Variants in STX18 observed in about 807,000 individuals in gnomAD.
The protein encoded by STX18 is syntaxin 18.
Under a neutral mutation model 50.1 loss-of-function variants are expected in STX18, and 40 were observed. The observed-to-expected ratio is 0.80, with a 90% CI of 0.62 to 1.04. STX18 has a LOEUF of 1.04. Among genes scored for constraint, STX18 ranks in the 50% least tolerant of loss-of-function variants. STX18 has a pLI of 0.00. For synonymous variants in STX18, 158 were observed against 151.8 expected (o/e 1.04, Z -0.30); for missense variants, 410 against 415.8 (o/e 0.99, Z 0.12).
At chr4:4,495,767 CTAATAA>C (rs1393436076) in intron 1 of STX18, among the ~76,000 whole-genome samples, 16 of 152,128 alleles carry the variant, frequency 1.1e-4, no homozygotes, top group African/African-American at 3.6e-4. Context: ...GGAAAATGAT[CTAATAA>C]AATTCATTTT....
intron 5 of STX18, among the ~76,000 whole-genome samples, chr4:4,439,483 C>T (rs62289807): frequency 0.042 from 5,709 of 134,578 alleles, 235 homozygotes; most frequent in African/African-American, 0.1. Flanking sequence ...TATATACATA[C>T]ACACACACAC....
intron 2 of STX18, 149 bp from the exon 3 acceptor site, chr4:4,459,636 T>A (rs977551817): frequency 2.5e-5 from 16 of 648,300 alleles, no homozygotes; most frequent in Non-Finnish European, 3.8e-5. Flanking sequence ...GGTGAAAAGG[T>A]GAGAGAACCA....
chr4:4,511,516 C>T (rs917853032), intron 1 of STX18, among the ~76,000 whole-genome samples: 4 of 152,170 alleles, frequency 2.6e-5, no homozygotes, highest in African/African-American at 4.8e-5. Flanking sequence ...ATAGCCTTTG[C>T]TTCAATAGTT....
chr4:4,422,428 G>GT (rs1347098325), intron 9 of STX18, among the ~76,000 whole-genome samples: 1 of 151,996 alleles, frequency 6.6e-6, no homozygotes, highest in Non-Finnish European at 1.5e-5. Flanking sequence ...TTAGCCAGGC[G>GT]TGGTGGCATG....
At chr4:4,453,277 A>C (rs935833333) in intron 5 of STX18, among the ~76,000 whole-genome samples, 4 of 152,232 alleles carry the variant, frequency 2.6e-5, no homozygotes, top group African/African-American at 9.6e-5. Context: ...TTGTGAAAGG[A>C]AGACTCAGTT....
chr4:4,434,126 G>A (rs1560161384), intron 7 of STX18, among the ~76,000 whole-genome samples: 1 of 152,196 alleles, frequency 6.6e-6, no homozygotes, highest in South Asian at 2.1e-4. Flanking sequence ...CATTCCCCAC[G>A]TCTTAGAGGA....
At chr4:4,439,706 A>C (rs1464392794) in intron 5 of STX18, among the ~76,000 whole-genome samples, 1 of 152,020 alleles carries the variant, frequency 6.6e-6, no homozygotes, top group African/African-American at 2.4e-5. Context: ...CTGAAAGCAC[A>C]AGTCCTTAAA....
chr4:4,449,572 G>A (rs1726638259), intron 5 of STX18, among the ~76,000 whole-genome samples: 1 of 152,188 alleles, frequency 6.6e-6, no homozygotes, highest in African/African-American at 2.4e-5. Flanking sequence ...TTGGATTCAA[G>A]TCATGCTTCT....
At chr4:4,449,549 T>C (rs1726635923) in intron 5 of STX18, among the ~76,000 whole-genome samples, 1 of 152,250 alleles carries the variant, frequency 6.6e-6, no homozygotes, top group Non-Finnish European at 1.5e-5. Flanking sequence ...TTGAGTTTGA[T>C]GTTTCCTCGC....
chr4:4,489,391 A>ATTTTTTT (rs34563523), intron 1 of STX18, among the ~76,000 whole-genome samples: 601 of 51,690 alleles, frequency 0.012, 135 homozygotes, highest in Non-Finnish European at 0.016. Flanking sequence ...ATGCAAAATA[A>ATTTTTTT]TTTTTTTTTT....
At chr4:4,483,408 G>C (rs999416823) in intron 1 of STX18, among the ~76,000 whole-genome samples, 3 of 151,968 alleles carry the variant, frequency 2.0e-5, no homozygotes, top group Non-Finnish European at 4.4e-5. Context: ...TACACCCATA[G>C]AAAAAAACAA....
At chr4:4,463,454 T>C (rs545174556) in intron 2 of STX18, among the ~76,000 whole-genome samples, 23 of 152,354 alleles carry the variant, frequency 1.5e-4, no homozygotes, top group Non-Finnish European at 5.9e-5. Context: ...TGCTGACCTG[T>C]AGCATTAGAG....
chr4:4,465,923 C>G (rs953749766), intron 2 of STX18, among the ~76,000 whole-genome samples: 1 of 152,170 alleles, frequency 6.6e-6, no homozygotes, highest in African/African-American at 2.4e-5. Context: ...CTGGCATAGT[C>G]TATGGCACAT....
intron 5 of STX18, among the ~76,000 whole-genome samples, chr4:4,446,743 TCTTA>T (rs1231181166): frequency 6.6e-6 from 1 of 150,984 alleles, no homozygotes; most frequent in Non-Finnish European, 1.5e-5. Context: ...TAAGACAGTT[TCTTA>T]CTAAGTCTAA....
rs149865739 is a variant in STX18 at position 4,508,836 on chromosome 4, A to T, written c.168+32961T>A. 2.2e-3 allele frequency among the ~76,000 whole-genome samples: 341 copies of T among 152,262 alleles called. 4 individuals carry two copies. Among genetic ancestry groups the T allele is most frequent in the African/African-American group, 7.7e-3 (322 of 41,552 alleles). On this transcript the variant is annotated intron_variant, in intron 1 of 10. Transcript: ENST00000306200. ...TTATAAGGTTTTCTGTTCTTGTGTCAGTTTGCTGAGGATAATGGCTTCCAA... is the reference window on the plus strand; with the variant it reads ...TTATAAGGTTTTCTGTTCTTGTGTCTGTTTGCTGAGGATAATGGCTTCCAA...
rs1183430588 is a variant in STX18 at position 4,541,922 on chromosome 4, T to C, written c.43A>G (p.Thr15Ala). The change falls in exon 1 of 11, where the codon ACC becomes GCC. Residue 15 changes from threonine to alanine, a missense_variant. Transcript: ENST00000306200. The stretch of plus-strand genomic sequence containing the variant: ...AGCGCCTTGTTCCGCGTCTTCACGG[T>C]CTTGACGCTGGCCCGGAATAGCAGC... ...ITLLFRASVKTVKTRNKALGV... is the reference protein window; with the variant it reads ...ITLLFRASVKAVKTRNKALGV... The C allele has an allele frequency of 3.7e-5, 60 of 1,609,546 alleles. No individual in the cohort carries two copies. The highest frequency in any genetic ancestry group is 4.8e-5 in the Non-Finnish European group (57 of 1,178,660).
intron 1 of STX18, among the ~76,000 whole-genome samples, chr4:4,534,154 G>A (rs926511974): frequency 6.6e-6 from 1 of 152,104 alleles, no homozygotes; most frequent in Non-Finnish European, 1.5e-5. Context: ...CTGTCTCCAA[G>A]GTCTAAATGT....
intron 1 of STX18, among the ~76,000 whole-genome samples, chr4:4,500,269 T>C (rs1333570704): frequency 6.6e-6 from 1 of 152,226 alleles, no homozygotes; most frequent in Non-Finnish European, 1.5e-5. Flanking sequence ...TGCACATAAC[T>C]TGACCCTGTG....
intron 1 of STX18, among the ~76,000 whole-genome samples, chr4:4,492,336 C>T (rs1439273792): frequency 9.2e-5 from 14 of 152,152 alleles, no homozygotes; most frequent in South Asian, 4.1e-4. Context: ...AAATGAATCA[C>T]GCACATTTAA....
Sources: allele counts gnomAD v4.1 joint callset (sites outside exome capture counted in the v4.1 genomes callset), GRCh38; gene constraint gnomAD v4.1.1; transcripts MANE v1.5; gene names NCBI Gene and HGNC (gene_info 2026-07-23, HGNC 2026-07-21).